ODAD1: variants seen among roughly 807,000 people sequenced by gnomAD.
ODAD1 encodes outer dynein arm-docking complex subunit 1.
Under a neutral mutation model 67.2 loss-of-function variants are expected in ODAD1, and 49 were observed. The ratio of observed to expected loss-of-function variants is 0.73; its 90% CI spans 0.58 to 0.92. The LOEUF is 0.92. ODAD1 is among the 40% of genes least tolerant of loss of function. The pLI is 0.00. For missense variants in ODAD1, 897 were observed against 953.7 expected (o/e 0.94, Z 0.78); for synonymous variants, 345 against 393.7 (o/e 0.88, Z 1.46).
intron 5 of ODAD1, among the ~76,000 whole-genome samples, chr19:48,317,228 T>TA (rs1968924787): frequency 6.6e-6 from 1 of 150,382 alleles, no homozygotes; most frequent in African/African-American, 2.5e-5. Context: ...ATATATATAT[T>TA]ATTTGCTGAA....
chr19:48,302,197 T>C (rs1031173082), intron 12 of ODAD1, among the ~76,000 whole-genome samples: 1 of 149,632 alleles, frequency 6.7e-6, no homozygotes, highest in South Asian at 2.1e-4. Context: ...GAACAGACCC[T>C]GGATAGATAG....
intron 6 of ODAD1, 121 bp from the exon 7 acceptor site, chr19:48,311,787 A>G: frequency 1.2e-6 from 1 of 801,286 alleles, no homozygotes; most frequent in Non-Finnish European, 2.1e-6. Flanking sequence ...TGAGAAACAG[A>G]GGTTCTTTGG....
At chr19:48,319,958 C>T in intron 3 of ODAD1, 1 of 810,042 alleles carries the variant, frequency 1.2e-6, no homozygotes, top group Non-Finnish European at 1.5e-6. Context: ...AGAATTATCC[C>T]ACCCCAAGAG....
chr19:48,306,337 A>G lies in ODAD1; in HGVS notation c.598-14T>C. The G allele has an allele frequency of 6.4e-7, 1 of 1,550,586 alleles. No individual in the cohort carries two copies. The highest frequency in any genetic ancestry group is 1.2e-5 in the South Asian group (1 of 84,022). ...GTGGTGGATCTCCTGTGGGGGGAGGAGAAAAAAATCAGTGCCACTTCTTAC... is the reference window on the plus strand; with the variant it reads ...GTGGTGGATCTCCTGTGGGGGGAGGGGAAAAAAATCAGTGCCACTTCTTAC... On this transcript the variant is annotated splice_polypyrimidine_tract_variant and intron_variant, in intron 7 of 15. Transcript: ENST00000674294.
rs530955351 is a variant in ODAD1 at position 48,301,588 on chromosome 19, AACTAAG to A, written c.1240+1100_1240+1105del. 5.9e-3 allele frequency among the ~76,000 whole-genome samples: 892 copies of A among 152,380 alleles called. 6 individuals are homozygous for A. Among genetic ancestry groups the A allele is most frequent in the Non-Finnish European group, 8.7e-3 (591 of 68,042 alleles). On this transcript the variant is annotated intron_variant, in intron 12 of 15. Coordinates refer to ENST00000674294, the MANE Select transcript of ODAD1 (RefSeq NM_001364171.2). ...AACTAAGACTAAGAAGAAATTTGGTAACTAAGACTAAGACTAGGAAGACAAAAGTCA... is the reference window on the plus strand; with the variant it reads ...AACTAAGACTAAGAAGAAATTTGGTAACTAAGACTAGGAAGACAAAAGTCA...
intron 12 of ODAD1, among the ~76,000 whole-genome samples, chr19:48,299,782 C>T (rs1421264119): frequency 6.7e-6 from 1 of 149,486 alleles, no homozygotes; most frequent in Non-Finnish European, 1.5e-5. Flanking sequence ...ACCTGGGGAA[C>T]AGAGCGAGAC....
Position 48,302,769 on chromosome 19 carries a change from T to G in ODAD1, c.1165A>C (p.Lys389Gln). The G allele has an allele frequency of 6.2e-7, 1 of 1,613,880 alleles. No homozygotes were observed. The highest frequency in any genetic ancestry group is 8.5e-7 in the Non-Finnish European group (1 of 1,180,030). The change falls in exon 12 of 16, where the codon AAG (lysine) becomes CAG (glutamine). Residue 389 changes from lysine (K) to glutamine (Q), a missense_variant. Transcript: ENST00000674294. Reference sequence around the variant, plus strand: ...AGGCGCTCAGCCTCCGAGTGCACCTTGTCCATGCGCTGCTGCAACACCTTC... The same window carrying G: ...AGGCGCTCAGCCTCCGAGTGCACCTGGTCCATGCGCTGCTGCAACACCTTC... ...QQKVLQQRMD[K>Q]VHSEAERLEA...
At chr19:48,305,056 C>G (rs1311729722) in intron 8 of ODAD1, among the ~76,000 whole-genome samples, 1 of 152,166 alleles carries the variant, frequency 6.6e-6, no homozygotes, top group African/African-American at 2.4e-5. Context: ...CACAGAGACC[C>G]TAAGGCCGAC....
At chr19:48,309,209 C>T (rs117772808) in intron 7 of ODAD1, among the ~76,000 whole-genome samples, 2,202 of 152,276 alleles carry the variant, frequency 0.014, 25 homozygotes, top group Admixed American at 0.026. Flanking sequence ...CCATGAATGG[C>T]AGCAGGAGGC....
intron 5 of ODAD1, 69 bp downstream of exon 5, chr19:48,318,318 G>A (rs574502511): frequency 1.5e-6 from 2 of 1,354,584 alleles, no homozygotes; most frequent in East Asian, 5.0e-5. Flanking sequence ...ACATGAGGAA[G>A]CTAAGGCTCA....
intron 12 of ODAD1, among the ~76,000 whole-genome samples, chr19:48,302,144 G>A (rs1968480577): frequency 2.0e-5 from 3 of 151,074 alleles, no homozygotes; most frequent in Non-Finnish European, 4.4e-5. Flanking sequence ...GACAGATGGA[G>A]GGGTAGGTCC....
In ODAD1 at chr19:48,297,004, G is replaced by A. The variant is rs1289813273; in HGVS notation, c.2096C>T (p.Ser699Phe). The A allele has an allele frequency of 1.2e-6, 2 of 1,607,208 alleles. No homozygotes were observed. Among genetic ancestry groups the A allele is most frequent in the Non-Finnish European group, 8.5e-7 (1 of 1,177,858 alleles). The change falls in exon 16 of 16, where the codon TCC becomes TTC. Residue 699 changes from serine to phenylalanine, a missense_variant. Transcript: ENST00000674294. Reference protein sequence around the residue: ...TGPASSTGPGSSTSKDSRG With the variant: ...TGPASSTGPGFSTSKDSRG ...GCCCCGGGAGTCTTTGCTGGTGGAG[G>A]AGCCCGGGCCAGTGCTGGAGGCAGG...
chr19:48,311,526 C>T, intron 7 of ODAD1, 27 bp downstream of exon 7: 1 of 1,363,230 alleles, frequency 7.3e-7, no homozygotes, highest in Non-Finnish European at 1.0e-6. Flanking sequence ...GTCCCTGTCT[C>T]CTCCCCTGGA....
In ODAD1 at chr19:48,296,893, C is replaced by T; in HGVS notation, c.*83G>A. 7.6e-6 allele frequency: 11 copies of T among 1,451,350 alleles called. No individual in the cohort carries two copies. Among genetic ancestry groups the T allele is most frequent in the Non-Finnish European group, 9.0e-6 (10 of 1,108,836 alleles). 89.9% of individuals were successfully genotyped at this position (1,451,350 alleles called of 1,614,324 possible). ...CCACTGGGAGAAAAAGACAGAGACC[C>T]ACAAGGCAAACAGGGGAAGTAGAGA... On this transcript the variant is annotated 3_prime_UTR_variant, in exon 16 of 16. Coordinates refer to ENST00000674294, the MANE Select transcript of ODAD1 (RefSeq NM_001364171.2).
chr19:48,303,598 CA>C lies in ODAD1; in HGVS notation c.988+51del. ...AGCTGAGGCCAGCCTGCACTGGACT[CA>C]GGGGGTGCCGGGGTCCCGGGCCTCC... On this transcript the variant is annotated intron_variant, in intron 10 of 15. Transcript: ENST00000674294. The C allele has an allele frequency of 1.9e-6, 3 of 1,610,864 alleles. No individual in the cohort carries two copies. The South Asian group carries it at 3.3e-5, about 18-fold the overall frequency.
intron 7 of ODAD1, among the ~76,000 whole-genome samples, chr19:48,308,419 G>A (rs1426139680): frequency 6.6e-6 from 1 of 151,820 alleles, no homozygotes; most frequent in Non-Finnish European, 1.5e-5. Context: ...CAGGTGATCC[G>A]CCTGCCTCAG....
Position 48,297,360 on chromosome 19 carries a change from C to T in ODAD1, c.1740G>A (p.Gly580=). The T allele has an allele frequency of 1.2e-6, 2 of 1,610,466 alleles. No individual in the cohort carries two copies. Among genetic ancestry groups the T allele is most frequent in the South Asian group, 2.2e-5 (2 of 91,090 alleles). ...TGCTAGTCTTGTGGCTCAAAATGGACCCGGGGATGGCATGGGGGTGCCTGG... is the reference window on the plus strand; with the variant it reads ...TGCTAGTCTTGTGGCTCAAAATGGATCCGGGGATGGCATGGGGGTGCCTGG... ...VPTRHPHAIP[G]SILSHKTSRD... is the part of the protein sequence containing the mutation. Residue 580 remains glycine, a synonymous_variant, in exon 16 of 16, where the codon GGG becomes GGA. Transcript: ENST00000674294.
In ODAD1 at chr19:48,297,429, CA is replaced by C; in HGVS notation, c.1670del (p.Leu557ArgfsTer27). ...TGGAGCCGGCCCTCTGGGTGCTGGCCAGGTCCACGCTCAGGGTGCCGTCCAG... is the reference window on the plus strand; with the variant it reads ...TGGAGCCGGCCCTCTGGGTGCTGGCCGGTCCACGCTCAGGGTGCCGTCCAG... ...AKLDGTLSVDLASTQRAGSST... is the reference protein window; with the variant it reads ...AKLDGTLSVDXASTQRAGSST... On this transcript the variant is annotated frameshift_variant, in exon 16 of 16. Transcript: ENST00000674294. LOFTEE classifies it low-confidence loss of function (END_TRUNC). The C allele has an allele frequency of 6.2e-7, 1 of 1,603,868 alleles. No individual in the cohort carries two copies. The highest frequency in any genetic ancestry group is 8.5e-7 in the Non-Finnish European group (1 of 1,179,150).
At chr19:48,309,181 T>C (rs1200851925) in intron 7 of ODAD1, among the ~76,000 whole-genome samples, 3 of 151,780 alleles carry the variant, frequency 2.0e-5, no homozygotes, top group Non-Finnish European at 4.4e-5. Flanking sequence ...CAGAGAGGGG[T>C]TGGGGTCCAG....
Sources: allele counts gnomAD v4.1 joint callset (sites outside exome capture counted in the v4.1 genomes callset), GRCh38; gene constraint gnomAD v4.1.1; transcripts MANE v1.5; gene names NCBI Gene and HGNC (gene_info 2026-07-23, HGNC 2026-07-21).